The following PEDS1 variants were observed in gnomAD, a reference collection of about 807,000 sequenced individuals.
PEDS1 encodes the protein plasmanylethanolamine desaturase 1, also known as CarF homolog.
In PEDS1, 14 loss-of-function variants were observed where a neutral mutation model predicts 35.2. That is an observed-to-expected ratio of 0.40 (90% CI 0.26 to 0.62). The LOEUF (loss-of-function observed/expected upper bound fraction) is 0.62. PEDS1 is among the 20% of genes least tolerant of loss of function. PEDS1 has a pLI of 0.44. For synonymous variants in PEDS1, 152 were observed against 152.0 expected (o/e 1.00, Z 0.00); for missense variants, 260 against 367.8 (o/e 0.71, Z 2.40).
chr20:50,129,437 T>A lies in PEDS1; in HGVS notation c.478+109A>T. 2 of 1,444,570 alleles carry A rather than the reference T, an allele frequency of 1.4e-6. No individual in the cohort carries two copies. The highest frequency in any genetic ancestry group is 1.8e-6 in the Non-Finnish European group (2 of 1,090,384). 89.5% of individuals were successfully genotyped at this position (1,444,570 alleles called of 1,614,324 possible). On this transcript the variant is annotated intron_variant, in intron 4 of 5. Transcript: ENST00000371652. This position sits in a 1 kb window ranked among gnomAD's most constrained non-coding sequence, Gnocchi z 4.2. The stretch of plus-strand genomic sequence containing the variant: ...TTACATGAAGACAATGAATGAAAAC[T>A]CTTTTAAAATACCATAAGGAGCCAA...
rs751545729 is a variant in PEDS1 at position 50,119,908 on chromosome 20, C to T, written c.*5150G>A. 4 of 152,324 alleles carry T rather than the reference C, an allele frequency of 2.6e-5. No individual in the cohort carries two copies. Among genetic ancestry groups the T allele is most frequent in the Non-Finnish European group, 5.9e-5 (4 of 68,050 alleles). 9.4% of individuals were successfully genotyped at this position (152,324 alleles called of 1,614,324 possible). A position where few individuals can be genotyped will look rare whatever the true frequency, so the allele number is the denominator to read the frequency against. ...GGGGCATGGCTGTGTGCCAATTCAG[C>T]TTTACAAACTGGAATTTGAATTTTC... On this transcript the variant is annotated 3_prime_UTR_variant, in exon 6 of 6. Transcript: ENST00000371652.
chr20:50,143,141 G>A (rs1354991070), intron 2 of PEDS1, among the ~76,000 whole-genome samples: 2 of 152,192 alleles, frequency 1.3e-5, no homozygotes, highest in Non-Finnish European at 2.9e-5. Context: ...CCAGGAAGAA[G>A]GCTCCTGAAA....
At chr20:50,153,421 C>A (rs2081426422) in intron 1 of PEDS1, 96 bp downstream of exon 1, 2 of 1,234,594 alleles carry the variant, frequency 1.6e-6, no homozygotes, top group Non-Finnish European at 1.0e-6. Context: ...GGCTGGAGTT[C>A]CGCATCTGGG....
At chr20:50,132,294 G>A (rs1479267132) in intron 2 of PEDS1, among the ~76,000 whole-genome samples, 1 of 152,190 alleles carries the variant, frequency 6.6e-6, no homozygotes, top group East Asian at 1.9e-4. Flanking sequence ...AGATCTTGAT[G>A]AATTCTCACC....
chr20:50,120,113 AAAT>A lies in PEDS1; in HGVS notation c.*4942_*4944del. 6.5e-6 allele frequency: 1 copy of A among 153,060 alleles called. No individual in the cohort carries two copies. Among genetic ancestry groups the A allele is most frequent in the Non-Finnish European group, 1.5e-5 (1 of 68,818 alleles). The allele number at this position is 153,060 out of a possible 1,614,324, so 9.5% of individuals were successfully genotyped here. ...AGACCCCATCTCTAAAAAAAAAAAA[AAAT>A]TAGCTGGATGTGGTGGTGTCCATCT... On this transcript the variant is annotated 3_prime_UTR_variant, in exon 6 of 6. Transcript: ENST00000371652.
At chr20:50,147,601 C>T (rs986392516) in intron 1 of PEDS1, among the ~76,000 whole-genome samples, 2 of 152,170 alleles carry the variant, frequency 1.3e-5, no homozygotes, top group East Asian at 1.9e-4. Flanking sequence ...CCTGGACGTT[C>T]GGGGCAGTCC....
intron 2 of PEDS1, among the ~76,000 whole-genome samples, chr20:50,133,588 G>A (rs2081201691): frequency 6.6e-6 from 1 of 152,170 alleles, no homozygotes; most frequent in African/African-American, 2.4e-5. Context: ...AGAAGGCGAG[G>A]GAGGTGGAAG....
rs910922138 is a variant in PEDS1, at chr20:50,124,916, G to A, written c.*142C>T. 5 of 1,098,146 alleles carry A rather than the reference G, an allele frequency of 4.6e-6. No individual in the cohort carries two copies. The highest frequency in any genetic ancestry group is 5.3e-6 in the Non-Finnish European group (4 of 758,658). 68.0% of individuals were successfully genotyped at this position (1,098,146 alleles called of 1,614,324 possible). A position where few individuals can be genotyped will look rare whatever the true frequency, so the allele number is the denominator to read the frequency against. On this transcript the variant is annotated 3_prime_UTR_variant, in exon 6 of 6. Coordinates refer to ENST00000371652, the MANE Select transcript of PEDS1 (RefSeq NM_199129.4). ...GTGGCTCAAGTATTCTGTGTCATGA[G>A]GGGTGGGCTGGGGTACCTGGGCCCA... is the stretch of plus-strand genomic sequence containing the variant.
rs1193381196 is a variant in PEDS1, at chr20:50,129,170, C to T, written c.478+376G>A. Reference sequence around the variant, plus strand: ...AGCCTAGACATTTTCCACTAGGCCACGGTAGCAAAACCCCAGAAGCCCTGC... The same window carrying T: ...AGCCTAGACATTTTCCACTAGGCCATGGTAGCAAAACCCCAGAAGCCCTGC... On this transcript the variant is annotated intron_variant, in intron 4 of 5. Coordinates refer to ENST00000371652, the MANE Select transcript of PEDS1 (RefSeq NM_199129.4). The surrounding 1 kb of genome is among the most constrained non-coding windows in gnomAD (Gnocchi z 4.2). Among the ~76,000 whole-genome samples the T allele has an allele frequency of 6.6e-6, 1 of 152,202 alleles. No individual in the cohort carries two copies. Among genetic ancestry groups the T allele is most frequent in the African/African-American group, 2.4e-5 (1 of 41,442 alleles).
intron 2 of PEDS1, among the ~76,000 whole-genome samples, chr20:50,134,382 C>T (rs1046681958): frequency 3.3e-5 from 5 of 152,126 alleles, no homozygotes; most frequent in African/African-American, 4.8e-5. Flanking sequence ...CTTGTCTCTA[C>T]AAAAAACACA....
intron 2 of PEDS1, among the ~76,000 whole-genome samples, chr20:50,140,628 A>G (rs1260793739): frequency 6.6e-6 from 1 of 152,166 alleles, no homozygotes; most frequent in Admixed American, 6.5e-5. Context: ...TCTCTGTGCA[A>G]ACGTCATCTT....
rs1325228665 is a variant in PEDS1, at chr20:50,129,753, C to T, written c.334-63G>A. ...AAGGTGGTCAGCTGCTCTCCACAGC[C>T]CCCTAAACACATTCACCCTGGGCTC... On this transcript the variant is annotated intron_variant, in intron 3 of 5. Transcript: ENST00000371652. This position sits in a 1 kb window ranked among gnomAD's most constrained non-coding sequence, Gnocchi z 4.2. 1 of 1,590,546 alleles carries T rather than the reference C, an allele frequency of 6.3e-7. No individual in the cohort carries two copies. Among genetic ancestry groups the T allele is most frequent in the East Asian group, 2.2e-5 (1 of 44,550 alleles).
Position 50,127,277 on chromosome 20 carries a change from T to G in PEDS1, c.691+698A>C, listed in dbSNP as rs527396065. ...CCATTAGCCACGCTACACATTTTAT[T>G]CATTCGTTCCAGCTCCCTCACTAGA... is the stretch of plus-strand genomic sequence containing the variant. On this transcript the variant is annotated intron_variant, in intron 5 of 5. Coordinates refer to ENST00000371652, the MANE Select transcript of PEDS1 (RefSeq NM_199129.4). 3.3e-5 allele frequency among the ~76,000 whole-genome samples: 5 copies of G among 152,094 alleles called. No homozygotes were observed. In the East Asian group the frequency reaches 9.7e-4, roughly 29 times the overall value.
chr20:50,136,339 G>A (rs2081233975), intron 2 of PEDS1, among the ~76,000 whole-genome samples: 1 of 152,172 alleles, frequency 6.6e-6, no homozygotes, highest in Non-Finnish European at 1.5e-5. Flanking sequence ...GCTTTGTGAA[G>A]TGTTAAGAAG....
rs79395299 is a variant in PEDS1, at chr20:50,138,548, T to C, written c.241+4954A>G. On this transcript the variant is annotated intron_variant, in intron 2 of 5. Coordinates refer to ENST00000371652, the MANE Select transcript of PEDS1 (RefSeq NM_199129.4). ...AGCCTCAGTCTTGCCATCTGTCCAA[T>C]GGTCAAGGCCTGGCGCCTGCACGCT... Among the ~76,000 whole-genome samples the C allele has an allele frequency of 4.5e-4, 69 of 152,342 alleles. 2 individuals carry two copies. The East Asian group carries it at 0.011, about 25-fold the overall frequency.
intron 2 of PEDS1, among the ~76,000 whole-genome samples, chr20:50,142,682 G>GCT (rs2081303387): frequency 5.9e-5 from 2 of 33,932 alleles, no homozygotes; most frequent in African/African-American, 1.2e-4. Context: ...CAAGTCATCC[G>GCT]CCCCCCCCCC....
chr20:50,119,428 T>G lies in PEDS1; in HGVS notation c.*5630A>C, dbSNP rs1330299703. On this transcript the variant is annotated 3_prime_UTR_variant, in exon 6 of 6. Transcript: ENST00000371652. ...TCTAGCCCAGGTAATAGAGCAAGACTTTGTCTCAAAAAAAAAAAAAAAAAA... is the reference window on the plus strand; with the variant it reads ...TCTAGCCCAGGTAATAGAGCAAGACGTTGTCTCAAAAAAAAAAAAAAAAAA... The G allele has an allele frequency of 7.0e-6, 1 of 141,902 alleles. No homozygotes were observed. The highest frequency in any genetic ancestry group is 2.7e-5 in the African/African-American group (1 of 37,372). 8.8% of individuals were successfully genotyped at this position (141,902 alleles called of 1,614,324 possible). A position where few individuals can be genotyped will look rare whatever the true frequency, so the allele number is the denominator to read the frequency against.
At chr20:50,133,902 G>C (rs1487948183) in intron 2 of PEDS1, among the ~76,000 whole-genome samples, 2 of 152,224 alleles carry the variant, frequency 1.3e-5, no homozygotes, top group East Asian at 1.9e-4. Context: ...TGTGGGATGG[G>C]AAGAGGCCTG....
intron 1 of PEDS1, among the ~76,000 whole-genome samples, chr20:50,153,090 A>G (rs1378728701): frequency 6.7e-6 from 1 of 149,852 alleles, no homozygotes; most frequent in Non-Finnish European, 1.5e-5. Flanking sequence ...GGAACCCAGG[A>G]TGAGGTGTGA....
Sources: allele counts gnomAD v4.1 joint callset (sites outside exome capture counted in the v4.1 genomes callset), GRCh38; gene constraint gnomAD v4.1.1; non-coding constraint Gnocchi (gnomAD v3.1); transcripts MANE v1.5; gene names NCBI Gene and HGNC (gene_info 2026-07-23, HGNC 2026-07-21).